LNX1: variants seen among roughly 807,000 people sequenced by gnomAD.
The protein encoded by LNX1 is ligand of numb-protein X 1, also known as E3 ubiquitin-protein ligase LNX.
LNX1 carries 54 observed loss-of-function variants against 68.4 expected under a neutral mutation model. The ratio of observed to expected loss-of-function variants is 0.79; its 90% CI spans 0.63 to 0.99. The LOEUF is 0.99. LNX1 is among the 50% of genes least tolerant of loss of function. The probability of loss-of-function intolerance (pLI) is 0.00; values close to 1 mark genes in which losing one functional copy is unlikely to be tolerated. For synonymous variants in LNX1, 336 were observed against 350.0 expected (o/e 0.96, Z 0.45); for missense variants, 906 against 926.4 (o/e 0.98, Z 0.29).
chr4:53,572,079 C>T (rs997061030), intron 2 of LNX1, among the ~76,000 whole-genome samples: 1 of 152,142 alleles, frequency 6.6e-6, no homozygotes, highest in Non-Finnish European at 1.5e-5. Context: ...GGTAGAGGAG[C>T]TCTTTCTCCT....
intron 2 of LNX1, chr4:53,508,431 A>ATT (rs3842589): frequency 2.1e-5 from 13 of 609,740 alleles, no homozygotes; most frequent in African/African-American, 3.7e-5. Flanking sequence ...ATAATTTGAG[A>ATT]TTTTTTAAAG....
intron 2 of LNX1, among the ~76,000 whole-genome samples, chr4:53,566,962 G>A (rs1410673381): frequency 1.3e-5 from 2 of 152,280 alleles, no homozygotes; most frequent in East Asian, 1.9e-4. Flanking sequence ...AAATATATAT[G>A]CATCCAATAC....
intron 2 of LNX1, among the ~76,000 whole-genome samples, chr4:53,604,523 A>C (rs1410799411): frequency 6.6e-6 from 1 of 152,236 alleles, no homozygotes; most frequent in African/African-American, 2.4e-5. Flanking sequence ...GAACTTACAG[A>C]AATTATAATG....
intron 2 of LNX1, among the ~76,000 whole-genome samples, chr4:53,527,610 C>G (rs1282000865): frequency 6.6e-6 from 1 of 152,230 alleles, no homozygotes; most frequent in African/African-American, 2.4e-5. Flanking sequence ...CTCTTCTGTA[C>G]ATTTCCAGTG....
chr4:53,493,701 T>C (rs949996872), intron 6 of LNX1, among the ~76,000 whole-genome samples: 4 of 152,364 alleles, frequency 2.6e-5, no homozygotes, highest in African/African-American at 9.6e-5. Context: ...TGGAACTTGG[T>C]GCAGGGCTAG....
chr4:53,623,736 T>C (rs1215432267), intron 1 of LNX1, among the ~76,000 whole-genome samples: 2 of 152,054 alleles, frequency 1.3e-5, no homozygotes, highest in East Asian at 3.9e-4. Flanking sequence ...TATGTAGTCC[T>C]CATATAACCC....
intron 6 of LNX1, among the ~76,000 whole-genome samples, chr4:53,492,067 A>T (rs1006689312): frequency 6.6e-6 from 1 of 152,150 alleles, no homozygotes; most frequent in Non-Finnish European, 1.5e-5. Flanking sequence ...GATTACAGGC[A>T]TGAGCCACTG....
intron 10 of LNX1, 101 bp downstream of exon 10, chr4:53,461,334 C>T: frequency 1.0e-6 from 1 of 959,748 alleles, no homozygotes; most frequent in South Asian, 1.7e-5. Context: ...TTAATCCCCA[C>T]AAAGTATAAT....
intron 1 of LNX1, among the ~76,000 whole-genome samples, chr4:53,632,282 T>C (rs1179463183): frequency 6.6e-6 from 1 of 152,130 alleles, no homozygotes; most frequent in Non-Finnish European, 1.5e-5. Flanking sequence ...TCCTCCCTTT[T>C]CTCTCACAGT....
intron 2 of LNX1, among the ~76,000 whole-genome samples, chr4:53,566,460 T>C (rs1179673810): frequency 4.6e-5 from 7 of 151,646 alleles, no homozygotes; most frequent in African/African-American, 1.7e-4. Context: ...AGAGATTTTG[T>C]CACCACCAGG....
At chr4:53,639,407 T>C (rs534256839) in intron 1 of LNX1, among the ~76,000 whole-genome samples, 2 of 152,274 alleles carry the variant, frequency 1.3e-5, no homozygotes, top group African/African-American at 4.8e-5. Context: ...GACAGGATCA[T>C]TTGTACCCCA....
At chr4:53,640,552 C>A (rs1734640239) in intron 1 of LNX1, among the ~76,000 whole-genome samples, 1 of 152,118 alleles carries the variant, frequency 6.6e-6, no homozygotes, top group Non-Finnish European at 1.5e-5. Context: ...AATAAAGAAT[C>A]AAAAGTGCTT....
intron 2 of LNX1, among the ~76,000 whole-genome samples, chr4:53,548,761 T>C (rs1319619010): frequency 2.0e-5 from 3 of 152,156 alleles, no homozygotes; most frequent in Admixed American, 1.3e-4. Flanking sequence ...ATAGCAAAGA[T>C]ATGGAATCAA....
chr4:53,599,143 T>A (rs943835414), intron 2 of LNX1, among the ~76,000 whole-genome samples: 2 of 151,886 alleles, frequency 1.3e-5, no homozygotes, highest in African/African-American at 4.8e-5. Context: ...GAATAGGGGG[T>A]GTGTAAAATA....
At chr4:53,501,542 C>T (rs2109491397) in intron 4 of LNX1, among the ~76,000 whole-genome samples, 1 of 152,258 alleles carries the variant, frequency 6.6e-6, no homozygotes, top group Admixed American at 6.5e-5. Flanking sequence ...ACTTTGGCCT[C>T]CAAGTGCTAG....
chr4:53,498,602 T>A (rs1341600820), intron 5 of LNX1, 39 bp downstream of exon 5: 2 of 1,507,588 alleles, frequency 1.3e-6, no homozygotes, highest in Non-Finnish European at 1.8e-6. Context: ...TTTTTTTATA[T>A]CAAGCCCCTT....
chr4:53,613,961 C>T (rs1577796196), intron 2 of LNX1, among the ~76,000 whole-genome samples: 1 of 143,752 alleles, frequency 7.0e-6, no homozygotes, highest in East Asian at 2.1e-4. Flanking sequence ...TCCACAACCT[C>T]ACCAGCATCT....
At chr4:53,529,966 C>T (rs182349278) in intron 2 of LNX1, among the ~76,000 whole-genome samples, 143 of 152,038 alleles carry the variant, frequency 9.4e-4, no homozygotes, top group African/African-American at 3.4e-3. Flanking sequence ...AAAATGTAGG[C>T]GAATACTTTT....
At chr4:53,501,513 G>A (rs1445659075) in intron 4 of LNX1, among the ~76,000 whole-genome samples, 1 of 152,014 alleles carries the variant, frequency 6.6e-6, no homozygotes, top group South Asian at 2.1e-4. Context: ...TCAAACTCCT[G>A]GGCTCAAGAG....
Sources: gnomAD v4.1 joint callset for allele counts (sites outside exome capture counted in the v4.1 genomes callset) on GRCh38, gnomAD v4.1.1 for gene constraint, MANE v1.5 for transcripts, NCBI Gene and HGNC (gene_info 2026-07-23, HGNC 2026-07-21) for gene names.